Variants in LRRTM4 observed in about 807,000 individuals in gnomAD.
LRRTM4 encodes leucine-rich repeat transmembrane neuronal protein 4.
LRRTM4 carries 25 observed loss-of-function variants against 47.6 expected under a neutral mutation model. That is an observed-to-expected ratio of 0.53 (90% confidence interval 0.38 to 0.73). LRRTM4 has a LOEUF of 0.73. Ranked by LOEUF, LRRTM4 falls within the 30% of genes least tolerant of loss-of-function variation. The pLI, the probability that LRRTM4 is intolerant of heterozygous loss-of-function variation, is 0.00. For synonymous variants in LRRTM4, 311 were observed against 269.5 expected, an observed-to-expected ratio of 1.15 and a Z score of -1.51; for missense variants, 638 against 713.4, an observed-to-expected ratio of 0.89 and a Z score of 1.20.
chr2:77,196,302 C>T (rs1254974533), intron 3 of LRRTM4, among the ~76,000 whole-genome samples: 3 of 152,218 alleles, frequency 2.0e-5, no homozygotes. Flanking sequence ...AAACATTTAT[C>T]ATTTATTCAC....
intron 3 of LRRTM4, among the ~76,000 whole-genome samples, chr2:76,812,598 A>C (rs1168686125): frequency 1.3e-5 from 2 of 152,142 alleles, no homozygotes; most frequent in Admixed American, 1.3e-4. Context: ...ATTCAGTATA[A>C]TTATTGGCTT....
chr2:77,321,073 TA>T (rs1442085258), intron 3 of LRRTM4, among the ~76,000 whole-genome samples: 3 of 152,024 alleles, frequency 2.0e-5, no homozygotes, highest in African/African-American at 2.4e-5. Flanking sequence ...TTTATTTTTT[TA>T]AAAAAAGGAC....
chr2:77,378,363 A>T (rs946967967), intron 3 of LRRTM4, among the ~76,000 whole-genome samples: 5 of 151,964 alleles, frequency 3.3e-5, no homozygotes, highest in African/African-American at 1.2e-4. Context: ...ATCTTTTTCT[A>T]TTATATCTAA....
Position 77,521,966 on chromosome 2 carries a change from C to A in LRRTM4, c.-148+143G>T, listed in dbSNP as rs2104143709. On this transcript the variant is annotated intron_variant, in intron 1 of 3. Coordinates refer to ENST00000409884, the MANE Select transcript of LRRTM4 (RefSeq NM_001134745.3). The stretch of plus-strand genomic sequence containing the variant: ...TGGGGGGATAGGGATGGGGGAGGGC[C>A]TCTAGGCTCTGAGGACCATTGTGTA... The A allele has an allele frequency of 4.8e-6, 3 of 631,054 alleles. No individual in the cohort carries two copies. In the East Asian group the frequency reaches 8.5e-5, roughly 18 times the overall value. The allele number at this position is 631,054 out of a possible 1,614,324, so 39.1% of individuals were successfully genotyped here. A position where few individuals can be genotyped will look rare whatever the true frequency, so the allele number is the denominator to read the frequency against.
chr2:77,221,027 C>T (rs984489299), intron 3 of LRRTM4, among the ~76,000 whole-genome samples: 2 of 152,300 alleles, frequency 1.3e-5, no homozygotes, highest in African/African-American at 4.8e-5. Context: ...TTCTACAAGC[C>T]AGAAGAGAGT....
chr2:77,417,975 A>G (rs1674713722), intron 3 of LRRTM4, among the ~76,000 whole-genome samples: 1 of 152,164 alleles, frequency 6.6e-6, no homozygotes, highest in Non-Finnish European at 1.5e-5. Context: ...AAAGAGAGAG[A>G]GGACTAAAGA....
At chr2:77,473,028 A>AC (rs1677250918) in intron 3 of LRRTM4, among the ~76,000 whole-genome samples, 1 of 152,140 alleles carries the variant, frequency 6.6e-6, no homozygotes, top group South Asian at 2.1e-4. Flanking sequence ...CAAAAATTAA[A>AC]CCTGGAAGCA....
At chr2:77,469,332 A>C (rs1005618141) in intron 3 of LRRTM4, among the ~76,000 whole-genome samples, 1 of 152,234 alleles carries the variant, frequency 6.6e-6, no homozygotes, top group African/African-American at 2.4e-5. Context: ...CTAATAAACT[A>C]CTAAAACAGA....
chr2:76,796,716 C>A (rs1322576429), intron 3 of LRRTM4, among the ~76,000 whole-genome samples: 2 of 148,078 alleles, frequency 1.4e-5, no homozygotes, highest in Non-Finnish European at 3.0e-5. Flanking sequence ...AGGGAAAAAA[C>A]AGAACAGAAA....
chr2:77,501,375 A>G (rs1012345562), intron 3 of LRRTM4, among the ~76,000 whole-genome samples: 5 of 150,772 alleles, frequency 3.3e-5, no homozygotes, highest in Admixed American at 6.6e-5. Flanking sequence ...TATAATGCAT[A>G]AAATGTTAAT....
intron 3 of LRRTM4, among the ~76,000 whole-genome samples, chr2:76,883,709 G>C (rs10197361): frequency 0.014 from 2,131 of 152,208 alleles, 52 homozygotes; most frequent in African/African-American, 0.049. Context: ...CAGAGTCACA[G>C]TCACTGAAAA....
At position 77,458,205 on chromosome 2, in the gene LRRTM4, G is replaced by C. The variant is rs147684779; in HGVS notation, c.1551+60113C>G. Among the ~76,000 whole-genome samples, 326 of 152,240 alleles carry C rather than the reference G, an allele frequency of 2.1e-3. 2 individuals are homozygous for C. Among genetic ancestry groups the C allele is most frequent in the African/African-American group, 7.6e-3 (317 of 41,550 alleles). On this transcript the variant is annotated intron_variant, in intron 3 of 3. Coordinates refer to ENST00000409884, the MANE Select transcript of LRRTM4 (RefSeq NM_001134745.3). ...TCTATCAGATTAGATGTTAATCTCT[G>C]TTCAAATATTTCAGGATCAGACAAA...
At chr2:77,300,071 C>A (rs1341934785) in intron 3 of LRRTM4, among the ~76,000 whole-genome samples, 1 of 151,862 alleles carries the variant, frequency 6.6e-6, no homozygotes, top group African/African-American at 2.4e-5. Flanking sequence ...AGGATGGTCT[C>A]GATCTCTTGA....
At chr2:77,083,822 T>TTTTTTTC (rs1558569872) in intron 3 of LRRTM4, among the ~76,000 whole-genome samples, 1 of 119,836 alleles carries the variant, frequency 8.3e-6, no homozygotes, top group African/African-American at 3.6e-5. Context: ...TTTTTTTTTT[T>TTTTTTTC]CAGACGGAGT....
At chr2:77,276,514 A>G (rs1192879179) in intron 3 of LRRTM4, among the ~76,000 whole-genome samples, 5 of 150,442 alleles carry the variant, frequency 3.3e-5, no homozygotes, top group Non-Finnish European at 4.4e-5. Context: ...TAATATATAT[A>G]TGTGTGTATA....
chr2:77,165,542 T>C (rs551119665), intron 3 of LRRTM4, among the ~76,000 whole-genome samples: 3 of 152,294 alleles, frequency 2.0e-5, no homozygotes, highest in East Asian at 1.9e-4. Context: ...CTAATGAACA[T>C]TGATGCAAAA....
chr2:77,248,695 G>A (rs1450088702), intron 3 of LRRTM4, among the ~76,000 whole-genome samples: 2 of 151,974 alleles, frequency 1.3e-5, no homozygotes, highest in Non-Finnish European at 2.9e-5. Context: ...CAAAATAATC[G>A]ATAAATAGAC....
intron 3 of LRRTM4, among the ~76,000 whole-genome samples, chr2:77,280,541 G>T (rs922550383): frequency 2.6e-5 from 4 of 151,996 alleles, no homozygotes; most frequent in Non-Finnish European, 5.9e-5. Flanking sequence ...AATGCCTAAA[G>T]GTGCAGAACA....
chr2:77,325,223 C>A (rs1670715859), intron 3 of LRRTM4, among the ~76,000 whole-genome samples: 1 of 152,128 alleles, frequency 6.6e-6, no homozygotes, highest in Admixed American at 6.6e-5. Flanking sequence ...ATCCCTGTAT[C>A]AGCCTCTGGT....
Sources: gnomAD v4.1 joint callset for allele counts (sites outside exome capture counted in the v4.1 genomes callset) on GRCh38, gnomAD v4.1.1 for gene constraint, MANE v1.5 for transcripts, NCBI Gene and HGNC (gene_info 2026-07-23, HGNC 2026-07-21) for gene names.